Variants in FLNB observed in about 807,000 individuals in gnomAD.
FLNB encodes the protein filamin B.
Under a neutral mutation model 250.6 loss-of-function variants are expected in FLNB, and 111 were observed. That is an observed-to-expected ratio of 0.44 (90% CI 0.38 to 0.52). FLNB has a LOEUF of 0.52. Among genes scored for constraint, FLNB ranks in the 20% least tolerant of loss-of-function variants. FLNB has a pLI of 0.00. For missense variants in FLNB, 2,869 were observed against 3,447.8 expected (o/e 0.83, Z 4.20); for synonymous variants, 1,302 against 1,372.1 (o/e 0.95, Z 1.13).
chr3:58,071,824 A>G (rs998620059), intron 1 of FLNB, among the ~76,000 whole-genome samples: 1 of 152,192 alleles, frequency 6.6e-6, no homozygotes, highest in African/African-American at 2.4e-5. Flanking sequence ...GTAGGCATAC[A>G]CGTGGTTGCG....
At chr3:58,037,493 C>G (rs142933950) in intron 1 of FLNB, among the ~76,000 whole-genome samples, 2 of 152,214 alleles carry the variant, frequency 1.3e-5, no homozygotes, top group Non-Finnish European at 2.9e-5. Context: ...CCTTGCCTCC[C>G]GCTGCCTCCT....
At chr3:58,031,041 C>T (rs968578440) in intron 1 of FLNB, among the ~76,000 whole-genome samples, 1 of 152,026 alleles carries the variant, frequency 6.6e-6, no homozygotes, top group African/African-American at 2.4e-5. Context: ...ATACAGATAA[C>T]CTTTAGGGGA....
At position 58,077,029 on chromosome 3, in the gene FLNB, T is replaced by C; in HGVS notation, c.293-17T>C. ...TGTAACCCAAAGGAATGACCAAGCC[T>C]GTGCTTCTCTCCCCAGATAGCAAAG... is the stretch of plus-strand genomic sequence containing the variant. On this transcript the variant is annotated splice_polypyrimidine_tract_variant and intron_variant, in intron 1 of 45. Coordinates refer to ENST00000295956, the MANE Select transcript of FLNB (RefSeq NM_001457.4). 1 of 1,614,062 alleles carries C rather than the reference T, an allele frequency of 6.2e-7. No homozygotes were observed. Among genetic ancestry groups the C allele is most frequent in the South Asian group, 1.1e-5 (1 of 91,050 alleles).
Position 58,109,557 on chromosome 3 carries a change from T to C in FLNB, c.2200-19T>C, listed in dbSNP as rs902122601. On this transcript the variant is annotated intron_variant, in intron 14 of 45. Transcript: ENST00000295956. ...CCAAGTGGAGGAGAACTTGATGACC[T>C]TCTCCATGTCTTCTCTAGGTCAACA... The C allele has an allele frequency of 6.2e-7, 1 of 1,614,220 alleles. No individual in the cohort carries two copies. Among genetic ancestry groups the C allele is most frequent in the African/African-American group, 1.3e-5 (1 of 75,060 alleles).
chr3:58,123,014 T>C, intron 20 of FLNB, 79 bp from the exon 21 acceptor site: 1 of 1,290,846 alleles, frequency 7.7e-7, no homozygotes, highest in Non-Finnish European at 1.1e-6. Flanking sequence ...TCCATGCTGA[T>C]TATATGCATG....
intron 1 of FLNB, among the ~76,000 whole-genome samples, chr3:58,067,456 T>C (rs2097187278): frequency 6.6e-6 from 1 of 152,206 alleles, no homozygotes; most frequent in Non-Finnish European, 1.5e-5. Context: ...CCTTGTCTAC[T>C]TGTATTTTAC....
intron 1 of FLNB, among the ~76,000 whole-genome samples, chr3:58,052,942 TG>T (rs1269883105): frequency 1.3e-5 from 2 of 152,218 alleles, no homozygotes; most frequent in African/African-American, 4.8e-5. Flanking sequence ...TGTGTGTACA[TG>T]GGGGTATTTT....
Position 58,171,697 on chromosome 3 carries a change from A to G in FLNB, c.*935A>G, listed in dbSNP as rs2097382727. On this transcript the variant is annotated 3_prime_UTR_variant, in exon 46 of 46. Coordinates refer to ENST00000295956, the MANE Select transcript of FLNB (RefSeq NM_001457.4). This position sits in a 1 kb window ranked among gnomAD's most constrained non-coding sequence, Gnocchi z 5.5. The stretch of plus-strand genomic sequence containing the variant: ...CCCTCATCCCAAGGTCCGTCCCATG[A>G]CATAACACTCCACACCCGCCCCAGC... 6.6e-6 allele frequency: 1 copy of G among 152,432 alleles called. No individual in the cohort carries two copies. Among genetic ancestry groups the G allele is most frequent in the South Asian group, 2.1e-4 (1 of 4,834 alleles). 9.4% of individuals were successfully genotyped at this position (152,432 alleles called of 1,614,324 possible). A position where few individuals can be genotyped will look rare whatever the true frequency, so the allele number is the denominator to read the frequency against.
At chr3:58,167,883 G>A (rs2097373580) in intron 43 of FLNB, among the ~76,000 whole-genome samples, 2 of 152,272 alleles carry the variant, frequency 1.3e-5, no homozygotes, top group South Asian at 4.1e-4. Context: ...CTGCTGTTCT[G>A]TTCCTGTGCT....
At position 58,132,097 on chromosome 3, in the gene FLNB, C is replaced by T. The variant is rs17058877; in HGVS notation, c.4391-711C>T. Reference sequence around the variant, plus strand: ...GCCTCACTTCTAAAATTGCTTACACCTGCCTCATCTGCTTTGCTTAATGAG... The same window carrying T: ...GCCTCACTTCTAAAATTGCTTACACTTGCCTCATCTGCTTTGCTTAATGAG... On this transcript the variant is annotated intron_variant, in intron 25 of 45. Coordinates refer to ENST00000295956, the MANE Select transcript of FLNB (RefSeq NM_001457.4). 1,702 of 901,084 alleles carry T rather than the reference C, an allele frequency of 1.9e-3. 22 individuals are homozygous for T. The African/African-American group carries it at 0.023, about 12-fold the overall frequency. 55.8% of individuals were successfully genotyped at this position (901,084 alleles called of 1,614,324 possible). A position where few individuals can be genotyped will look rare whatever the true frequency, so the allele number is the denominator to read the frequency against.
chr3:58,040,011 T>C (rs1450883202), intron 1 of FLNB, among the ~76,000 whole-genome samples: 1 of 152,078 alleles, frequency 6.6e-6, no homozygotes, highest in Non-Finnish European at 1.5e-5. Context: ...TGGGTCTGAT[T>C]GCAGGTGCCT....
intron 5 of FLNB, 35 bp downstream of exon 5, chr3:58,094,989 C>T (rs749717676): frequency 1.3e-6 from 2 of 1,502,048 alleles, no homozygotes; most frequent in Non-Finnish European, 1.9e-6. Flanking sequence ...CTTTCCAGCA[C>T]CTCATGGAGC....
intron 4 of FLNB, among the ~76,000 whole-genome samples, chr3:58,093,272 A>C (rs76820015): frequency 6.6e-6 from 1 of 152,134 alleles, no homozygotes; most frequent in Non-Finnish European, 1.5e-5. Flanking sequence ...GTCCCCATGA[A>C]GTTGGGGTGG....
rs146159035 is a variant in FLNB, at chr3:58,110,068, C to T, written c.2382C>T (p.Asp794=). 983 of 1,614,066 alleles carry T rather than the reference C, an allele frequency of 6.1e-4. 4 individuals carry two copies. The African/African-American group carries it at 0.012, about 19-fold the overall frequency. ...GGGTGTTAAGTGAAGATGAGGAAGA[C>T]GTGGATTTTGACATTATTCACAATG... The part of the protein sequence containing the change: ...DARVLSEDEE[D]VDFDIIHNAN... Residue 794 remains aspartate (D), a synonymous_variant, in exon 16 of 46, where the codon GAC becomes GAT. Transcript: ENST00000295956.
At chr3:58,130,940 T>C in intron 25 of FLNB, 32 bp downstream of exon 25, 1 of 1,597,326 alleles carries the variant, frequency 6.3e-7, no homozygotes, top group Non-Finnish European at 8.5e-7. Flanking sequence ...CTGCAGACAT[T>C]CATCTGCCCC....
chr3:58,020,937 A>C (rs1362523268), intron 1 of FLNB, among the ~76,000 whole-genome samples: 1 of 151,990 alleles, frequency 6.6e-6, no homozygotes, highest in Non-Finnish European at 1.5e-5. Flanking sequence ...GCCTGTGCTG[A>C]GTGTGACTGA....
intron 1 of FLNB, among the ~76,000 whole-genome samples, chr3:58,075,881 G>A (rs9840244): frequency 0.26 from 38,951 of 151,844 alleles, 5,943 homozygotes; most frequent in Middle Eastern, 0.4. Context: ...ATAGGGAAAC[G>A]GAGAGAGAGA....
intron 41 of FLNB, 95 bp from the exon 42 acceptor site, chr3:58,159,459 T>G: frequency 1.6e-6 from 2 of 1,266,616 alleles, no homozygotes; most frequent in Non-Finnish European, 2.3e-6. Context: ...CCTATTTGCA[T>G]GAGAACTGTC....
chr3:58,094,507 G>A lies in FLNB; in HGVS notation c.788-329G>A, dbSNP rs375680358. 3.3e-5 allele frequency among the ~76,000 whole-genome samples: 5 copies of A among 152,364 alleles called. No individual in the cohort carries two copies. The East Asian group carries it at 5.8e-4, about 18-fold the overall frequency. On this transcript the variant is annotated intron_variant, in intron 4 of 45. Transcript: ENST00000295956. ...GGCAATACAATAAATGCTGTTTAATGAGAAATAAGCTTCGCTCCTCCCTGC... is the reference window on the plus strand; with the variant it reads ...GGCAATACAATAAATGCTGTTTAATAAGAAATAAGCTTCGCTCCTCCCTGC...
Sources: gnomAD v4.1 joint callset for allele counts (sites outside exome capture counted in the v4.1 genomes callset) on GRCh38, gnomAD v4.1.1 for gene constraint, Gnocchi (gnomAD v3.1) non-coding constraint, MANE v1.5 for transcripts, NCBI Gene and HGNC (gene_info 2026-07-23, HGNC 2026-07-21) for gene names.